Variants in ODAD2 observed in about 807,000 individuals in gnomAD.
ODAD2 encodes the protein outer dynein arm-docking complex subunit 2.
Under a neutral mutation model 106.8 loss-of-function variants are expected in ODAD2, and 89 were observed. The observed-to-expected ratio is 0.83, with a 90% CI of 0.70 to 0.99. The LOEUF is 0.99. Ranked by LOEUF, ODAD2 falls within the 50% of genes least tolerant of loss-of-function variation. ODAD2 has a pLI of 0.00. For missense variants in ODAD2, 1,168 were observed against 1,238.5 expected (o/e 0.94, Z 0.85); for synonymous variants, 404 against 436.2 (o/e 0.93, Z 0.92).
At chr10:27,857,142 G>A (rs1259129021) in intron 19 of ODAD2, among the ~76,000 whole-genome samples, 2 of 152,152 alleles carry the variant, frequency 1.3e-5, no homozygotes, top group East Asian at 1.9e-4. Context: ...CTGAGACAGC[G>A]AGACCAACTC....
intron 2 of ODAD2, among the ~76,000 whole-genome samples, chr10:27,991,007 T>C (rs886431580): frequency 6.6e-6 from 1 of 152,192 alleles, no homozygotes; most frequent in African/African-American, 2.4e-5. Flanking sequence ...TTCTGAGCGC[T>C]TATCCAATTT....
intron 10 of ODAD2, among the ~76,000 whole-genome samples, chr10:27,954,344 A>C (rs1032959473): frequency 6.6e-6 from 1 of 152,356 alleles, no homozygotes; most frequent in South Asian, 2.1e-4. Flanking sequence ...ACATGGGGCA[A>C]GAAATTCCCC....
intron 17 of ODAD2, among the ~76,000 whole-genome samples, chr10:27,865,239 C>G (rs1840356371): frequency 6.6e-6 from 1 of 152,158 alleles, no homozygotes; most frequent in African/African-American, 2.4e-5. Flanking sequence ...TAATAAGAAC[C>G]CTGGCACTCA....
At chr10:27,989,521 A>T (rs1172085811) in intron 2 of ODAD2, among the ~76,000 whole-genome samples, 5 of 152,194 alleles carry the variant, frequency 3.3e-5, no homozygotes, top group African/African-American at 9.7e-5. Flanking sequence ...CACCACACGA[A>T]GTGGATGGTG....
At chr10:27,940,415 G>C (rs979898091) in intron 13 of ODAD2, 148 bp downstream of exon 13, 2 of 816,322 alleles carry the variant, frequency 2.5e-6, no homozygotes, top group African/African-American at 3.5e-5. Flanking sequence ...TTTAATTAAC[G>C]TCCTATCAGT....
chr10:27,968,498 C>T (rs372845773), intron 9 of ODAD2, among the ~76,000 whole-genome samples: 18,983 of 87,186 alleles, frequency 0.22, 205 homozygotes, highest in East Asian at 0.29. Flanking sequence ...GCCTCATATT[C>T]AATTTTTAAT....
At chr10:27,862,861 T>C (rs1160437760) in intron 17 of ODAD2, among the ~76,000 whole-genome samples, 3 of 152,174 alleles carry the variant, frequency 2.0e-5, no homozygotes, top group African/African-American at 7.2e-5. Context: ...TTTCAAAAAA[T>C]ATTTATTGAA....
chr10:27,838,472 A>G (rs1369215973), intron 19 of ODAD2, among the ~76,000 whole-genome samples: 1 of 152,240 alleles, frequency 6.6e-6, no homozygotes, highest in African/African-American at 2.4e-5. Context: ...TGGAAAGAAT[A>G]TATTTCTCAC....
intron 19 of ODAD2, among the ~76,000 whole-genome samples, chr10:27,815,000 T>G (rs946874293): frequency 6.6e-6 from 1 of 152,234 alleles, no homozygotes; most frequent in Non-Finnish European, 1.5e-5. Flanking sequence ...TCTTCCTTCT[T>G]CTTCAATCTT....
intron 2 of ODAD2, among the ~76,000 whole-genome samples, chr10:27,994,353 A>G (rs1236506241): frequency 6.6e-6 from 1 of 152,150 alleles, no homozygotes; most frequent in Non-Finnish European, 1.5e-5. Context: ...TTTCATCTAC[A>G]TCAGAGGTCA....
intron 19 of ODAD2, among the ~76,000 whole-genome samples, chr10:27,818,156 C>T (rs1370026043): frequency 6.6e-6 from 1 of 151,486 alleles, no homozygotes; most frequent in Non-Finnish European, 1.5e-5. Flanking sequence ...TGTCTCTATG[C>T]CCAATGGGCC....
At chr10:27,885,760 TTA>T (rs541293065) in intron 17 of ODAD2, among the ~76,000 whole-genome samples, 1,411 of 43,696 alleles carry the variant, frequency 0.032, 97 homozygotes, top group African/African-American at 0.1. Flanking sequence ...AATATATATT[TTA>T]TATATATTAT....
intron 17 of ODAD2, among the ~76,000 whole-genome samples, chr10:27,868,054 T>C (rs756545712): frequency 1.6e-4 from 25 of 151,964 alleles, no homozygotes; most frequent in Non-Finnish European, 2.2e-4. Context: ...AAGAAGACAT[T>C]TATGCGGCCA....
At position 27,981,423 on chromosome 10, in the gene ODAD2, T is replaced by A. The variant is rs780871590; in HGVS notation, c.936+43A>T. 5 of 1,427,502 alleles carry A rather than the reference T, an allele frequency of 3.5e-6. No homozygotes were observed. The African/African-American group carries it at 4.5e-5, about 13-fold the overall frequency. 88.4% of individuals were successfully genotyped at this position (1,427,502 alleles called of 1,614,324 possible). On this transcript the variant is annotated intron_variant, in intron 7 of 19. Coordinates refer to ENST00000305242, the MANE Select transcript of ODAD2 (RefSeq NM_018076.5). Reference sequence around the variant, plus strand: ...TGTACCATAGAAAGTTGTAGTTTAGTAACATAATGCTATGAAAGCTCAAAA... The same window carrying A: ...TGTACCATAGAAAGTTGTAGTTTAGAAACATAATGCTATGAAAGCTCAAAA...
intron 1 of ODAD2, among the ~76,000 whole-genome samples, chr10:27,998,716 C>G (rs1051465618): frequency 6.6e-6 from 1 of 152,026 alleles, no homozygotes; most frequent in Admixed American, 6.5e-5. Flanking sequence ...AGCGGCGGGG[C>G]CAGAGAGCCG....
At chr10:27,875,831 C>T (rs1290913954) in intron 17 of ODAD2, among the ~76,000 whole-genome samples, 4 of 152,106 alleles carry the variant, frequency 2.6e-5, no homozygotes, top group Admixed American at 6.5e-5. Flanking sequence ...CCTGGAAAAT[C>T]GGGTCACTCC....
chr10:27,903,619 A>G lies in ODAD2; in HGVS notation c.2610+4044T>C, dbSNP rs575145143. On this transcript the variant is annotated intron_variant, in intron 17 of 19. Transcript: ENST00000305242. ...AGCAAAGTCTCAGGATACAAAATCA[A>G]TGTGCAAAAGTCATAAGCATTCCTA... is the stretch of plus-strand genomic sequence containing the variant. Among the ~76,000 whole-genome samples, 12 of 152,332 alleles carry G rather than the reference A, an allele frequency of 7.9e-5. No homozygotes were observed. In the South Asian group the frequency reaches 2.1e-3, roughly 26 times the overall value.
intron 11 of ODAD2, 69 bp downstream of exon 11, chr10:27,944,747 C>T: frequency 6.3e-7 from 1 of 1,590,912 alleles, no homozygotes; most frequent in Non-Finnish European, 8.6e-7. Context: ...TGGCAGAAAC[C>T]TAGAGCTAAG....
Position 27,979,405 on chromosome 10 carries a change from C to T in ODAD2, c.936+2061G>A, listed in dbSNP as rs982502290. Among the ~76,000 whole-genome samples, 6 of 149,576 alleles carry T rather than the reference C, an allele frequency of 4.0e-5. 1 individual carries two copies. In the Admixed American group the frequency reaches 4.1e-4, roughly 10 times the overall value. On this transcript the variant is annotated intron_variant, in intron 7 of 19. Transcript: ENST00000305242. Reference sequence around the variant, plus strand: ...ACTATTTGTATGCAGATGGCATGATCTTGTATGCAGAAAAACCTAAGAATA... The same window carrying T: ...ACTATTTGTATGCAGATGGCATGATTTTGTATGCAGAAAAACCTAAGAATA...
Sources: gnomAD v4.1 joint callset for allele counts (sites outside exome capture counted in the v4.1 genomes callset) on GRCh38, gnomAD v4.1.1 for gene constraint, MANE v1.5 for transcripts, NCBI Gene and HGNC (gene_info 2026-07-23, HGNC 2026-07-21) for gene names.